The following KIF13A variants were observed in gnomAD, a reference collection of about 807,000 sequenced individuals.
KIF13A encodes the protein kinesin family member 13A.
KIF13A carries 79 observed loss-of-function variants against 212.2 expected under a neutral mutation model. The ratio of observed to expected loss-of-function variants is 0.37; its 90% CI spans 0.31 to 0.45. The LOEUF (loss-of-function observed/expected upper bound fraction) is 0.45. KIF13A is among the 20% of genes least tolerant of loss of function. KIF13A has a pLI of 1.00. For synonymous variants in KIF13A, 789 were observed against 808.6 expected, an observed-to-expected ratio of 0.98 and a Z score of 0.41; for missense variants, 1,901 against 2,209.0, an observed-to-expected ratio of 0.86 and a Z score of 2.79.
Position 17,968,205 on chromosome 6 carries a change from T to TC in KIF13A, c.146+18848dup, listed in dbSNP as rs1779492317. 6.6e-6 allele frequency among the ~76,000 whole-genome samples: 1 copy of TC among 152,042 alleles called. No individual in the cohort carries two copies. The highest frequency in any genetic ancestry group is 1.5e-5 in the Non-Finnish European group (1 of 68,006). On this transcript the variant is annotated intron_variant, in intron 2 of 38. Transcript: ENST00000259711. This position sits in a 1 kb window ranked among gnomAD's most constrained non-coding sequence, Gnocchi z 4.7. Reference sequence around the variant, plus strand: ...CCAGAGAACGAGAAGAACCCAGAGATCCCCGCTTACTCACCAGGAGAAAGA... The same window carrying TC: ...CCAGAGAACGAGAAGAACCCAGAGATCCCCCGCTTACTCACCAGGAGAAAGA...
At position 17,914,794 on chromosome 6, in the gene KIF13A, A is replaced by G. The variant is rs1235236324; in HGVS notation, c.147-16614T>C. Among the ~76,000 whole-genome samples the G allele has an allele frequency of 6.6e-6, 1 of 152,208 alleles. No homozygotes were observed. The highest frequency in any genetic ancestry group is 2.4e-5 in the African/African-American group (1 of 41,452). On this transcript the variant is annotated intron_variant, in intron 2 of 38. Transcript: ENST00000259711. This position sits in a 1 kb window ranked among gnomAD's most constrained non-coding sequence, Gnocchi z 5.9. ...GTAAGAAACTCACCCTGCGTTAACC[A>G]AAACAAAATTAAGCAGAGAAAACAT...
intron 2 of KIF13A, among the ~76,000 whole-genome samples, chr6:17,924,182 G>A (rs1188269141): frequency 1.3e-5 from 2 of 151,844 alleles, no homozygotes; most frequent in Non-Finnish European, 2.9e-5. Flanking sequence ...ATATTTCTAA[G>A]CATGTATTTC....
In KIF13A at chr6:17,984,408, G is replaced by T; in HGVS notation, c.146+2646C>A. 2.4e-6 allele frequency: 1 copy of T among 409,722 alleles called. No homozygotes were observed. Among genetic ancestry groups the T allele is most frequent in the Non-Finnish European group, 3.3e-6 (1 of 303,968 alleles). The allele number at this position is 409,722 out of a possible 1,614,324, so 25.4% of individuals were successfully genotyped here. On this transcript the variant is annotated intron_variant, in intron 2 of 38. Transcript: ENST00000259711. This position sits in a 1 kb window ranked among gnomAD's most constrained non-coding sequence, Gnocchi z 5.0. ...CCATGTGTCTTAATGTTTCAGAATG[G>T]TGATCAGTATACATATCAACTACTA... is the stretch of plus-strand genomic sequence containing the variant.
intron 16 of KIF13A, chr6:17,822,040 C>CTTTTT: frequency 1.8e-5 from 11 of 615,826 alleles, no homozygotes; most frequent in East Asian, 7.2e-5. Context: ...GGAAACATAA[C>CTTTTT]TTCTTTTTTT....
intron 2 of KIF13A, among the ~76,000 whole-genome samples, chr6:17,924,079 T>C (rs2150525254): frequency 6.6e-6 from 1 of 152,324 alleles, no homozygotes; most frequent in East Asian, 1.9e-4. Context: ...TACAAGACTC[T>C]AGAATTTTAA....
Position 17,772,378 on chromosome 6 carries a change from C to CA in KIF13A, c.4325-320dup. On this transcript the variant is annotated intron_variant, in intron 36 of 38. Transcript: ENST00000259711. This position sits in a 1 kb window ranked among gnomAD's most constrained non-coding sequence, Gnocchi z 4.8. ...GAGTTATAATGGTGCCACTGCACTC[C>CA]AGCCCGGGCAAGAGAGAGAGAGGGA... Among the ~76,000 whole-genome samples, 2 of 152,156 alleles carry CA rather than the reference C, an allele frequency of 1.3e-5. No individual in the cohort carries two copies. Among genetic ancestry groups the CA allele is most frequent in the South Asian group, 4.2e-4 (2 of 4,808 alleles).
chr6:17,943,397 C>T (rs1777111418), intron 2 of KIF13A, among the ~76,000 whole-genome samples: 1 of 134,926 alleles, frequency 7.4e-6, no homozygotes, highest in Non-Finnish European at 1.5e-5. Context: ...TGGTAAAACA[C>T]AGATTTTTTT....
rs1776252668 is a variant in KIF13A at position 17,934,152 on chromosome 6, G to A, written c.147-35972C>T. On this transcript the variant is annotated intron_variant, in intron 2 of 38. Transcript: ENST00000259711. The surrounding 1 kb of genome is among the most constrained non-coding windows in gnomAD (Gnocchi z 5.4). ...AAGACAAGCATTTTCATAAAAACCAGGACACAGTTTCTTCGTAATTACAAA... is the reference window on the plus strand; with the variant it reads ...AAGACAAGCATTTTCATAAAAACCAAGACACAGTTTCTTCGTAATTACAAA... Among the ~76,000 whole-genome samples the A allele has an allele frequency of 6.6e-6, 1 of 152,008 alleles. No homozygotes were observed. The highest frequency in any genetic ancestry group is 1.5e-5 in the Non-Finnish European group (1 of 68,026).
rs761363264 is a variant in KIF13A at position 17,796,722 on chromosome 6, G to T, written c.2889C>A (p.Ser963Arg). Reference protein sequence around the residue: ...VWGHRCAGNGSSIWEVDSLHA... With the variant: ...VWGHRCAGNGRSIWEVDSLHA... ...GAAGAGAATCGACCTCCCAGATGGA[G>T]CTGCCATTTCCAGCACACCGGTGGC... Residue 963 changes from serine (S) to arginine (R), a missense_variant, in exon 23 of 39, where the codon AGC becomes AGA. Around this residue, in one of 5 missense-constraint regions of KIF13A, gnomAD observed 534 missense variants for 536.9 expected, o/e 0.99. Coordinates refer to ENST00000259711, the MANE Select transcript of KIF13A (RefSeq NM_022113.6). The T allele has an allele frequency of 6.3e-6, 10 of 1,592,676 alleles. No individual in the cohort carries two copies. The highest frequency in any genetic ancestry group is 7.7e-6 in the Non-Finnish European group (9 of 1,168,816).
intron 9 of KIF13A, among the ~76,000 whole-genome samples, chr6:17,848,118 T>C (rs1767256517): frequency 6.6e-6 from 1 of 152,160 alleles, no homozygotes; most frequent in African/African-American, 2.4e-5. Flanking sequence ...GGCTTGCTTT[T>C]ATTTTTAGTT....
Position 17,794,543 on chromosome 6 carries a change from T to C in KIF13A, c.3075+29A>G, listed in dbSNP as rs943535846. On this transcript the variant is annotated intron_variant, in intron 24 of 38. Transcript: ENST00000259711. The surrounding 1 kb of genome is among the most constrained non-coding windows in gnomAD (Gnocchi z 4.1). Reference sequence around the variant, plus strand: ...TAAGAGTGGAACAGAGAGAAAACATTAAAAAAAAACCCAAAACAAACTCAG... The same window carrying C: ...TAAGAGTGGAACAGAGAGAAAACATCAAAAAAAAACCCAAAACAAACTCAG... 6.4e-7 allele frequency: 1 copy of C among 1,551,652 alleles called. No individual in the cohort carries two copies. Among genetic ancestry groups the C allele is most frequent in the Non-Finnish European group, 8.7e-7 (1 of 1,146,322 alleles).
intron 11 of KIF13A, among the ~76,000 whole-genome samples, chr6:17,836,060 T>G (rs1765925999): frequency 6.6e-6 from 1 of 152,202 alleles, no homozygotes; most frequent in Non-Finnish European, 1.5e-5. Flanking sequence ...AATAAGACAG[T>G]GCCTCACCCA....
In KIF13A at chr6:17,825,887, T is replaced by A; in HGVS notation, c.1667A>T (p.Glu556Val). 6.2e-7 allele frequency: 1 copy of A among 1,614,054 alleles called. No individual in the cohort carries two copies. The highest frequency in any genetic ancestry group is 8.5e-7 in the Non-Finnish European group (1 of 1,179,892). The change falls in exon 16 of 39, where the codon GAA becomes GTA. Residue 556 changes from glutamate (E) to valine (V), a missense_variant. Glu to Val is a moderately radical substitution (Grantham distance 121). Around this residue, in one of 5 missense-constraint regions of KIF13A, gnomAD observed 534 missense variants for 536.9 expected, o/e 0.99. Transcript: ENST00000259711. The surrounding 1 kb of genome is among the most constrained non-coding windows in gnomAD (Gnocchi z 4.5). ...ATGCTCTGGCGGGCCCGTTTCTTTT[T>A]CAAAGTCTTTCAACCAATCTCGACG... ...RKRRDWLKDF[E>V]KETGPPEHDL... is the part of the protein sequence containing the mutation.
Position 17,783,272 on chromosome 6 carries a change from T to C in KIF13A, c.3544+374A>G, listed in dbSNP as rs981914451. On this transcript the variant is annotated intron_variant, in intron 29 of 38. Coordinates refer to ENST00000259711, the MANE Select transcript of KIF13A (RefSeq NM_022113.6). The surrounding 1 kb of genome is among the most constrained non-coding windows in gnomAD (Gnocchi z 4.3). ...GACAACCCCTAAGGCAGGGTTATAG[T>C]GTGATCACTTCTGCCATCAAAACTA... 1.3e-5 allele frequency among the ~76,000 whole-genome samples: 2 copies of C among 152,224 alleles called. No individual in the cohort carries two copies. The highest frequency in any genetic ancestry group is 1.3e-4 in the Admixed American group (2 of 15,284).
intron 2 of KIF13A, among the ~76,000 whole-genome samples, chr6:17,979,022 C>T (rs532324097): frequency 3.3e-5 from 5 of 152,306 alleles, no homozygotes; most frequent in East Asian, 1.9e-4. Context: ...TGGTGGCTCA[C>T]GCCTGTAATC....
chr6:17,950,429 AT>A, intron 2 of KIF13A: 1 of 978,424 alleles, frequency 1.0e-6, no homozygotes, highest in East Asian at 1.1e-4. Flanking sequence ...TGATTTATTA[AT>A]GGATTACCAA....
rs1767557353 is a variant in KIF13A, at chr6:17,850,706, TCTC to T, written c.583-252_583-250del. On this transcript the variant is annotated intron_variant, in intron 7 of 38. Coordinates refer to ENST00000259711, the MANE Select transcript of KIF13A (RefSeq NM_022113.6). This position sits in a 1 kb window ranked among gnomAD's most constrained non-coding sequence, Gnocchi z 6.2. ...TTCTTTCTCAGTTGAGTCCCTATTT[TCTC>T]CTTTTTGGGTTCCTGGGATAGCTAA... 6.6e-6 allele frequency among the ~76,000 whole-genome samples: 1 copy of T among 152,148 alleles called. No individual in the cohort carries two copies. The highest frequency in any genetic ancestry group is 2.1e-4 in the South Asian group (1 of 4,832).
intron 2 of KIF13A, among the ~76,000 whole-genome samples, chr6:17,913,814 CAG>C (rs1774272531): frequency 6.6e-6 from 1 of 152,118 alleles, no homozygotes; most frequent in African/African-American, 2.4e-5. Context: ...CAAAATGGGA[CAG>C]AAAGGCGGGC....
At chr6:17,869,005 A>G (rs931350961) in intron 4 of KIF13A, among the ~76,000 whole-genome samples, 1 of 148,744 alleles carries the variant, frequency 6.7e-6, no homozygotes, top group South Asian at 2.2e-4. Flanking sequence ...AAAAAAAAAA[A>G]AAAAAAAAAA....
Sources: gnomAD v4.1 joint callset for allele counts (sites outside exome capture counted in the v4.1 genomes callset) on GRCh38, gnomAD v4.1.1 for gene constraint, gnomAD v4.1.1 regional missense constraint, Gnocchi (gnomAD v3.1) non-coding constraint, MANE v1.5 for transcripts, NCBI Gene and HGNC (gene_info 2026-07-23, HGNC 2026-07-21) for gene names.